GNB4: variants seen among roughly 807,000 people sequenced by gnomAD.
GNB4 encodes G protein subunit beta 4.
A neutral mutation model predicts 45.2 loss-of-function variants in GNB4; 28 were observed. The observed-to-expected ratio is 0.62, with a 90% CI of 0.46 to 0.85. GNB4 has a LOEUF of 0.85. GNB4 is among the 40% of genes least tolerant of loss of function. The pLI is 0.00. For missense variants in GNB4, 321 were observed against 425.4 expected, an observed-to-expected ratio of 0.75 and a Z score of 2.16; for synonymous variants, 132 against 143.7, an observed-to-expected ratio of 0.92 and a Z score of 0.58.
chr3:179,410,286 A>T (rs1422519597), intron 8 of GNB4: 1 of 152,260 alleles, frequency 6.6e-6, no homozygotes, highest in African/African-American at 2.4e-5. Flanking sequence ...AATGAAACAG[A>T]AAAACAACAG....
intron 1 of GNB4, among the ~76,000 whole-genome samples, chr3:179,426,657 CCTTA>C (rs1035425316): frequency 6.0e-4 from 91 of 152,256 alleles, no homozygotes; most frequent in African/African-American, 2.2e-3. Context: ...GCAAGACCAT[CCTTA>C]CTTACAATTG....
chr3:179,463,638 T>G, the GNB4 span, among the ~76,000 whole-genome samples: 1 of 152,200 alleles, frequency 6.6e-6, no homozygotes, highest in Admixed American at 6.5e-5. Context: ...CTTGTGATGT[T>G]TTTACTCCAT....
the GNB4 span, chr3:179,465,195 CT>C: frequency 7.6e-7 from 1 of 1,320,692 alleles, no homozygotes; most frequent in Non-Finnish European, 1.1e-6. Context: ...GATCCTGTAA[CT>C]GCCAAACTGA....
chr3:179,453,696 C>T (rs765394505), upstream of GNB4, among the ~76,000 whole-genome samples: 4 of 152,076 alleles, frequency 2.6e-5, no homozygotes, highest in African/African-American at 9.7e-5. Context: ...AGAATGATAT[C>T]GTCAATCTTC....
chr3:179,427,783 C>T (rs1715189750), intron 1 of GNB4, among the ~76,000 whole-genome samples: 1 of 152,002 alleles, frequency 6.6e-6, no homozygotes, highest in Non-Finnish European at 1.5e-5. Context: ...AATCACAGAA[C>T]CAAAAGACAG....
chr3:179,474,976 A>T, the GNB4 span, among the ~76,000 whole-genome samples: 1 of 152,002 alleles, frequency 6.6e-6, no homozygotes, highest in Admixed American at 6.6e-5. Flanking sequence ...GATGCTGGGA[A>T]GTTCAAGGTC....
At chr3:179,498,038 T>C in the GNB4 span, among the ~76,000 whole-genome samples, 2 of 152,240 alleles carry the variant, frequency 1.3e-5, no homozygotes, top group Non-Finnish European at 2.9e-5. Context: ...GTCCCACTTC[T>C]GGGAATATAT....
intron 1 of GNB4, among the ~76,000 whole-genome samples, chr3:179,430,329 T>C (rs1715273277): frequency 6.6e-6 from 1 of 151,904 alleles, no homozygotes; most frequent in Non-Finnish European, 1.5e-5. Context: ...GCTCAAGCGA[T>C]CCCCCCCACC....
the GNB4 span, among the ~76,000 whole-genome samples, chr3:179,461,646 T>G: frequency 2.2e-4 from 34 of 152,340 alleles, no homozygotes; most frequent in African/African-American, 7.9e-4. Flanking sequence ...ACCTAGCTTT[T>G]CAAAATTTTC....
chr3:179,426,077 A>G (rs938852453), intron 2 of GNB4, 67 bp downstream of exon 2: 2 of 1,260,300 alleles, frequency 1.6e-6, no homozygotes, highest in African/African-American at 3.0e-5. Context: ...CTGATAAACT[A>G]ATAGGCAAAT....
At chr3:179,467,435 A>T in the GNB4 span, among the ~76,000 whole-genome samples, 1 of 152,220 alleles carries the variant, frequency 6.6e-6, no homozygotes, top group Non-Finnish European at 1.5e-5. Context: ...CTGAGATTAA[A>T]TGTAATCAAA....
At chr3:179,519,506 T>C in the GNB4 span, among the ~76,000 whole-genome samples, 2 of 151,288 alleles carry the variant, frequency 1.3e-5, no homozygotes, top group Non-Finnish European at 2.9e-5. Flanking sequence ...AACTGTTGTA[T>C]TGATGGCCAG....
At chr3:179,460,540 A>G in the GNB4 span, among the ~76,000 whole-genome samples, 2 of 152,212 alleles carry the variant, frequency 1.3e-5, no homozygotes, top group African/African-American at 2.4e-5. Context: ...TAAGTGTTTC[A>G]TCTTGGTTTA....
intron 1 of GNB4, among the ~76,000 whole-genome samples, chr3:179,443,026 T>C (rs148486601): frequency 0.012 from 1,873 of 152,276 alleles, 38 homozygotes; most frequent in African/African-American, 0.042. Context: ...TTTGGTTACA[T>C]ACAAAAATTT....
upstream of GNB4, chr3:179,451,502 C>T (rs1156898723): frequency 2.0e-5 from 3 of 150,686 alleles, no homozygotes; most frequent in Admixed American, 6.6e-5. Context: ...CAGCCAACTC[C>T]GCGGCGCGCC....
the GNB4 span, among the ~76,000 whole-genome samples, chr3:179,514,453 C>T: frequency 1.3e-5 from 2 of 152,150 alleles, no homozygotes; most frequent in Admixed American, 1.3e-4. Context: ...AGAAGAACTT[C>T]AAGTTTACAG....
the GNB4 span, among the ~76,000 whole-genome samples, chr3:179,460,012 A>G: frequency 6.6e-6 from 1 of 152,210 alleles, no homozygotes; most frequent in African/African-American, 2.4e-5. Flanking sequence ...CATTATCAGG[A>G]TTAGCTACTT....
intron 4 of GNB4, among the ~76,000 whole-genome samples, chr3:179,417,231 A>G (rs1459806803): frequency 3.3e-5 from 5 of 152,210 alleles, no homozygotes; most frequent in Non-Finnish European, 7.3e-5. Context: ...AATGACAGGT[A>G]GAAAAATACA....
At chr3:179,499,210 T>G in the GNB4 span, among the ~76,000 whole-genome samples, 8 of 142,672 alleles carry the variant, frequency 5.6e-5, no homozygotes, top group Non-Finnish European at 1.2e-4. Context: ...CAGGCTAGAG[T>G]GCAGTGGCGC....
Sources: allele counts gnomAD v4.1 joint callset (sites outside exome capture counted in the v4.1 genomes callset), GRCh38; gene constraint gnomAD v4.1.1; transcripts MANE v1.5; gene names NCBI Gene and HGNC (gene_info 2026-07-23, HGNC 2026-07-21).